The following PHGDH variants were observed in gnomAD, a reference collection of about 807,000 sequenced individuals.
PHGDH encodes the protein D-3-phosphoglycerate dehydrogenase.
PHGDH carries 50 observed loss-of-function variants against 52.6 expected under a neutral mutation model. The ratio of observed to expected loss-of-function variants is 0.95; its 90% CI spans 0.76 to 1.20. The LOEUF (loss-of-function observed/expected upper bound fraction) is 1.20, where lower values mean the gene tolerates loss of function less well. Among genes scored for constraint, PHGDH ranks in the 50% most tolerant of loss-of-function variants. PHGDH has a pLI of 0.00. For missense variants in PHGDH, 630 were observed against 684.6 expected (o/e 0.92, Z 0.89); for synonymous variants, 271 against 280.5 (o/e 0.97, Z 0.34).
At chr1:119,727,719 A>G (rs986650726) in intron 5 of PHGDH, 3 of 154,128 alleles carry the variant, frequency 1.9e-5, no homozygotes, top group African/African-American at 7.3e-5. Context: ...CTGTAGTCCC[A>G]GCTACTTGGG....
At chr1:119,714,026 G>T (rs992697115) in intron 1 of PHGDH, among the ~76,000 whole-genome samples, 2 of 152,140 alleles carry the variant, frequency 1.3e-5, no homozygotes, top group Non-Finnish European at 2.9e-5. Flanking sequence ...GAGAGGAGGA[G>T]TGTTTGTTGG....
intron 8 of PHGDH, 25 bp from the exon 9 acceptor site, chr1:119,740,361 A>T (rs1264382174): frequency 6.2e-7 from 1 of 1,613,936 alleles, no homozygotes; most frequent in Non-Finnish European, 8.5e-7. Context: ...TCCTGACCAC[A>T]GCCCCGCTCC....
chr1:119,735,586 C>G, intron 7 of PHGDH, 143 bp downstream of exon 7: 1 of 901,830 alleles, frequency 1.1e-6, no homozygotes, highest in East Asian at 2.6e-5. Flanking sequence ...AACTGTGTTG[C>G]CAAAAACACA....
At chr1:119,723,235 C>A in intron 2 of PHGDH, 141 bp from the exon 3 acceptor site, 1 of 752,842 alleles carries the variant, frequency 1.3e-6, no homozygotes. Flanking sequence ...GAGAGTACAT[C>A]AGAGAACTCT....
At position 119,741,867 on chromosome 1, in the gene PHGDH, T is replaced by C. The variant is rs754034829; in HGVS notation, c.1179T>C (p.Ala393=). Residue 393 remains alanine (A), a synonymous_variant, in exon 10 of 12, where the codon GCT becomes GCC. Coordinates refer to ENST00000641023, the MANE Select transcript of PHGDH (RefSeq NM_006623.4). ...AGGCGGATGTGAACTTGGTGAACGC[T>C]AAGCTGCTGGTGAAAGAGGCTGGCC... is the stretch of plus-strand genomic sequence containing the variant. ...SKQADVNLVN[A]KLLVKEAGLN... is the part of the protein sequence containing the mutation. 1.2e-6 allele frequency: 2 copies of C among 1,614,072 alleles called. No homozygotes were observed. Among genetic ancestry groups the C allele is most frequent in the South Asian group, 2.2e-5 (2 of 91,082 alleles).
intron 3 of PHGDH, among the ~76,000 whole-genome samples, chr1:119,726,385 A>G (rs145614385): frequency 6.6e-6 from 1 of 152,282 alleles, no homozygotes; most frequent in African/African-American, 2.4e-5. Flanking sequence ...AAGGAAGCAT[A>G]GGTAATTAGG....
chr1:119,736,668 G>A (rs1437788391), intron 7 of PHGDH, among the ~76,000 whole-genome samples: 7 of 152,194 alleles, frequency 4.6e-5, no homozygotes, highest in Non-Finnish European at 1.0e-4. Flanking sequence ...AAGGCACATC[G>A]ACAGCAAGTG....
chr1:119,737,614 A>G (rs1190297331), intron 8 of PHGDH, among the ~76,000 whole-genome samples: 3 of 152,154 alleles, frequency 2.0e-5, no homozygotes, highest in Non-Finnish European at 2.9e-5. Flanking sequence ...AGCTGGACGC[A>G]GCCGCAGCAG....
intron 5 of PHGDH, chr1:119,730,019 C>T (rs1557973770): frequency 6.6e-6 from 1 of 152,206 alleles, no homozygotes; most frequent in Non-Finnish European, 1.5e-5. Context: ...CTGCCTGGAC[C>T]TCATCATTCC....
chr1:119,712,306 G>C (rs1650733362), intron 1 of PHGDH, 146 bp downstream of exon 1: 1 of 730,240 alleles, frequency 1.4e-6, no homozygotes, highest in African/African-American at 1.8e-5. Context: ...GAGAAGAACG[G>C]GGGCGGGAGG....
intron 10 of PHGDH, chr1:119,742,140 C>G: frequency 1.8e-6 from 1 of 551,108 alleles, no homozygotes; most frequent in Non-Finnish European, 3.3e-6. Context: ...GAAGTGTCCC[C>G]ATTTCACAGC....
intron 5 of PHGDH, 199 bp downstream of exon 5, chr1:119,727,301 G>T: frequency 1.6e-6 from 1 of 614,312 alleles, no homozygotes; most frequent in Non-Finnish European, 2.9e-6. Context: ...GAAATACTTG[G>T]TGGGGGTCCT....
chr1:119,743,725 G>A (rs587698935), intron 11 of PHGDH, 161 bp from the exon 12 acceptor site: 135 of 739,616 alleles, frequency 1.8e-4, no homozygotes, highest in Non-Finnish European at 3.0e-4. Context: ...AAGCTGAGCA[G>A]ATGCCCTGTT....
chr1:119,721,205 G>C lies in PHGDH; in HGVS notation c.174G>C (p.Lys58Asn). Residue 58 changes from lysine to asparagine, a missense_variant, in exon 2 of 12, where the codon AAG (lysine) becomes AAC (asparagine). By Grantham distance (94) the Lys-to-Asn change is moderately conservative (BLOSUM62 0). Coordinates refer to ENST00000641023, the MANE Select transcript of PHGDH (RefSeq NM_006623.4). The stretch of plus-strand genomic sequence containing the variant: ...GCCTTATTGTTCGCTCTGCCACCAA[G>C]GTGACCGCTGATGTCATCAACGCAG... ...CEGLIVRSATKVTADVINAAE... is the reference protein window; with the variant it reads ...CEGLIVRSATNVTADVINAAE... The C allele has an allele frequency of 6.2e-7, 1 of 1,614,200 alleles. No individual in the cohort carries two copies. The highest frequency in any genetic ancestry group is 8.5e-7 in the Non-Finnish European group (1 of 1,180,012).
At chr1:119,743,169 C>T in intron 11 of PHGDH, 125 bp downstream of exon 11, 1 of 769,966 alleles carries the variant, frequency 1.3e-6, no homozygotes. Flanking sequence ...GGATCTGCAC[C>T]ATACAGAGGG....
Position 119,739,867 on chromosome 1 carries a change from G to A in PHGDH, c.946-519G>A, listed in dbSNP as rs970762662. ...CACAACATGCCTCACAGTGGACTTCGCATGCGTTGATATTTGAAGCACGAT... is the reference window on the plus strand; with the variant it reads ...CACAACATGCCTCACAGTGGACTTCACATGCGTTGATATTTGAAGCACGAT... On this transcript the variant is annotated intron_variant, in intron 8 of 11. Transcript: ENST00000641023. The A allele has an allele frequency of 3.6e-5, 6 of 165,370 alleles. No homozygotes were observed. The South Asian group carries it at 5.2e-4, about 14-fold the overall frequency. 10.2% of individuals were successfully genotyped at this position (165,370 alleles called of 1,614,324 possible). A position where few individuals can be genotyped will look rare whatever the true frequency, so the allele number is the denominator to read the frequency against.
chr1:119,742,637 C>A, intron 10 of PHGDH, 170 bp from the exon 11 acceptor site: 3 of 651,270 alleles, frequency 4.6e-6, no homozygotes, highest in Non-Finnish European at 8.5e-6. Context: ...AAGCTGATGC[C>A]GAAGGGCACA....
rs587599601 is a variant in PHGDH, at chr1:119,731,153, A to G, written c.511-3481A>G. Among the ~76,000 whole-genome samples the G allele has an allele frequency of 4.6e-5, 7 of 152,300 alleles. No homozygotes were observed. The East Asian group carries it at 1.2e-3, about 25-fold the overall frequency. ...GTTGTCAGTGGCATAGCTGATAGAA[A>G]AGGTAACCTGACATTTGGCAGCATT... On this transcript the variant is annotated intron_variant, in intron 5 of 11. Coordinates refer to ENST00000641023, the MANE Select transcript of PHGDH (RefSeq NM_006623.4).
intron 3 of PHGDH, 147 bp downstream of exon 3, chr1:119,723,588 ACCTTTAAGG>A (rs1651271314): frequency 1.4e-6 from 1 of 711,994 alleles, no homozygotes. Context: ...ACTGCAAAGA[ACCTTTAAGG>A]CCATCAGGTC....
Sources: allele counts gnomAD v4.1 joint callset (sites outside exome capture counted in the v4.1 genomes callset), GRCh38; gene constraint gnomAD v4.1.1; transcripts MANE v1.5; gene names NCBI Gene and HGNC (gene_info 2026-07-23, HGNC 2026-07-21).